XIRP2: variants seen among roughly 807,000 people sequenced by gnomAD.
XIRP2 encodes the protein xin actin-binding repeat-containing protein 2.
Under a neutral mutation model 277.0 loss-of-function variants are expected in XIRP2, and 236 were observed. The observed-to-expected ratio is 0.85, with a 90% CI of 0.77 to 0.95. The LOEUF (loss-of-function observed/expected upper bound fraction) is 0.95, where lower values mean the gene tolerates loss of function less well. Ranked by LOEUF, XIRP2 falls within the 40% of genes least tolerant of loss-of-function variation. The pLI, the probability that XIRP2 is intolerant of heterozygous loss-of-function variation, is 0.00. For synonymous variants in XIRP2, 1,490 were observed against 1,416.5 expected, an observed-to-expected ratio of 1.05 and a Z score of -1.17; for missense variants, 4,640 against 4,157.5, an observed-to-expected ratio of 1.12 and a Z score of -3.19.
chr2:167,030,233 G>A (rs6707299), intron 2 of XIRP2, among the ~76,000 whole-genome samples: 64,409 of 151,774 alleles, frequency 0.42, 16,446 homozygotes, highest in East Asian at 0.82. Flanking sequence ...CTCTGATCTT[G>A]GTTATTTCTT....
chr2:167,050,351 A>G (rs1357534901), intron 2 of XIRP2, among the ~76,000 whole-genome samples: 3 of 152,098 alleles, frequency 2.0e-5, no homozygotes, highest in Non-Finnish European at 4.4e-5. Flanking sequence ...AAATGATATG[A>G]AATCTTTGAA....
rs538432914 is a variant in XIRP2 at position 166,974,974 on chromosome 2, C to T, written c.408+71084C>T. Among the ~76,000 whole-genome samples the T allele has an allele frequency of 2.0e-5, 3 of 152,088 alleles. No individual in the cohort carries two copies. The East Asian group carries it at 5.8e-4, about 29-fold the overall frequency. Reference sequence around the variant, plus strand: ...ATGCAAATATTAGAACACAAGAAAGCTAGTATAACTATACTAATACAAGAC... The same window carrying T: ...ATGCAAATATTAGAACACAAGAAAGTTAGTATAACTATACTAATACAAGAC... On this transcript the variant is annotated intron_variant, in intron 2 of 10. Coordinates refer to ENST00000409195, the MANE Select transcript of XIRP2 (RefSeq NM_152381.6).
rs1437919752 is a variant in XIRP2 at position 167,248,708 on chromosome 2, A to G, written c.7316A>G (p.Asp2439Gly). ...LPKHIKDNKN[D>G]FSPKVELATS... is the part of the protein sequence containing the mutation. ...AAGCATATAAAAGATAATAAGAACGATTTTTCCCCCAAAGTTGAACTGGCA... is the reference window on the plus strand; with the variant it reads ...AAGCATATAAAAGATAATAAGAACGGTTTTTCCCCCAAAGTTGAACTGGCA... The change falls in exon 9 of 11, where the codon GAT (aspartate) becomes GGT (glycine). Residue 2439 changes from aspartate to glycine, a missense_variant. Physicochemically the swap from Asp to Gly is moderately conservative, Grantham distance 94. Coordinates refer to ENST00000409195, the MANE Select transcript of XIRP2 (RefSeq NM_152381.6). The G allele has an allele frequency of 6.2e-7, 1 of 1,613,700 alleles. No homozygotes were observed. The highest frequency in any genetic ancestry group is 1.7e-5 in the Admixed American group (1 of 59,962).
intron 2 of XIRP2, among the ~76,000 whole-genome samples, chr2:167,063,339 C>A (rs1255470493): frequency 6.6e-6 from 1 of 151,824 alleles, no homozygotes; most frequent in Non-Finnish European, 1.5e-5. Flanking sequence ...GTTTATTTTG[C>A]AGAAAGTTTT....
chr2:167,015,418 T>TTATCTCTC (rs1553478320), intron 2 of XIRP2, among the ~76,000 whole-genome samples: 1 of 147,148 alleles, frequency 6.8e-6, no homozygotes. Context: ...TATCTGTCTT[T>TTATCTCTC]TATCTATCTA....
rs191566340 is a variant in XIRP2 at position 167,023,231 on chromosome 2, T to A, written c.409-112678T>A. On this transcript the variant is annotated intron_variant, in intron 2 of 10. Coordinates refer to ENST00000409195, the MANE Select transcript of XIRP2 (RefSeq NM_152381.6). Reference sequence around the variant, plus strand: ...TGACGGTTAGCATTTTTTCATGTGTTTTTTGGCTGCATAAATGTCTTCTTT... The same window carrying A: ...TGACGGTTAGCATTTTTTCATGTGTATTTTGGCTGCATAAATGTCTTCTTT... Among the ~76,000 whole-genome samples, 26 of 151,852 alleles carry A rather than the reference T, an allele frequency of 1.7e-4. No individual in the cohort carries two copies. The East Asian group carries it at 5.0e-3, about 29-fold the overall frequency.
At chr2:166,946,280 A>T (rs1393066823) in intron 2 of XIRP2, among the ~76,000 whole-genome samples, 4 of 152,192 alleles carry the variant, frequency 2.6e-5, no homozygotes, top group Non-Finnish European at 5.9e-5. Flanking sequence ...GTTGAAAATG[A>T]TGAATTCTTC....
intron 3 of XIRP2, among the ~76,000 whole-genome samples, chr2:167,210,109 T>C (rs1253922021): frequency 1.3e-5 from 2 of 152,112 alleles, no homozygotes; most frequent in Non-Finnish European, 2.9e-5. Context: ...TTCTTTCTTA[T>C]GTAATACATG....
chr2:166,913,996 G>A (rs1386585514), intron 2 of XIRP2, among the ~76,000 whole-genome samples: 1 of 152,174 alleles, frequency 6.6e-6, no homozygotes, highest in Non-Finnish European at 1.5e-5. Flanking sequence ...ACTCCCCAGA[G>A]CATACAAGTA....
chr2:167,139,797 T>C (rs559061818), intron 3 of XIRP2, among the ~76,000 whole-genome samples: 1 of 152,244 alleles, frequency 6.6e-6, no homozygotes, highest in African/African-American at 2.4e-5. Flanking sequence ...TGCGGTCCAA[T>C]ATGGTAACCA....
chr2:167,153,108 G>A (rs1193885678), intron 3 of XIRP2, among the ~76,000 whole-genome samples: 1 of 152,006 alleles, frequency 6.6e-6, no homozygotes, highest in African/African-American at 2.4e-5. Flanking sequence ...AATATTTGTT[G>A]AATGATTCAA....
At chr2:167,091,993 G>A (rs1473155100) in intron 2 of XIRP2, among the ~76,000 whole-genome samples, 1 of 152,146 alleles carries the variant, frequency 6.6e-6, no homozygotes, top group African/African-American at 2.4e-5. Context: ...AAATGTGATT[G>A]TGTTGACTTG....
intron 2 of XIRP2, among the ~76,000 whole-genome samples, chr2:167,056,746 A>AT (rs982814120): frequency 2.0e-5 from 3 of 152,100 alleles, no homozygotes; most frequent in Non-Finnish European, 4.4e-5. Flanking sequence ...ATGATGAGTC[A>AT]TTTTTTGTCT....
At chr2:167,180,412 A>T (rs1214323022) in intron 3 of XIRP2, among the ~76,000 whole-genome samples, 1 of 151,920 alleles carries the variant, frequency 6.6e-6, no homozygotes, top group Non-Finnish European at 1.5e-5. Flanking sequence ...TTATGGAAAA[A>T]TTTCTCAAAA....
At chr2:167,016,620 T>C (rs1237712699) in intron 2 of XIRP2, among the ~76,000 whole-genome samples, 1 of 151,910 alleles carries the variant, frequency 6.6e-6, no homozygotes, top group Non-Finnish European at 1.5e-5. Context: ...TTAGTTTAGG[T>C]CCTCTGGGAA....
At chr2:166,904,345 C>A (rs1309977125) in intron 2 of XIRP2, among the ~76,000 whole-genome samples, 1 of 152,084 alleles carries the variant, frequency 6.6e-6, no homozygotes, top group East Asian at 1.9e-4. Flanking sequence ...CTAAAGCCTG[C>A]CATTAACTTC....
intron 3 of XIRP2, among the ~76,000 whole-genome samples, chr2:167,199,712 T>C (rs1192660605): frequency 6.6e-6 from 1 of 152,182 alleles, no homozygotes; most frequent in Non-Finnish European, 1.5e-5. Context: ...CGTCTCTCCA[T>C]GGCTGAGGGG....
intron 2 of XIRP2, among the ~76,000 whole-genome samples, chr2:167,069,727 G>C (rs1298079257): frequency 1.3e-5 from 2 of 152,050 alleles, no homozygotes; most frequent in Admixed American, 1.3e-4. Flanking sequence ...GCGCAGAATT[G>C]GCATATACCC....
chr2:167,083,364 A>G (rs1415538321), intron 2 of XIRP2, among the ~76,000 whole-genome samples: 1 of 152,236 alleles, frequency 6.6e-6, no homozygotes, highest in Non-Finnish European at 1.5e-5. Context: ...GTATAGATTG[A>G]AGTCAGGTAG....
Sources: gnomAD v4.1 joint callset for allele counts (sites outside exome capture counted in the v4.1 genomes callset) on GRCh38, gnomAD v4.1.1 for gene constraint, MANE v1.5 for transcripts, NCBI Gene and HGNC (gene_info 2026-07-23, HGNC 2026-07-21) for gene names.